Variants in ANKRD26 observed in about 807,000 individuals in gnomAD.
ANKRD26 encodes the protein ankyrin repeat domain-containing protein 26.
A neutral mutation model predicts 208.7 loss-of-function variants in ANKRD26; 141 were observed. The ratio of observed to expected loss-of-function variants is 0.68; its 90% confidence interval spans 0.59 to 0.78. The LOEUF is 0.78. ANKRD26 is among the 30% of genes least tolerant of loss of function. The pLI is 0.00. For missense variants in ANKRD26, 1,889 were observed against 1,938.7 expected, an observed-to-expected ratio of 0.97 and a Z score of 0.48; for synonymous variants, 636 against 660.4, an observed-to-expected ratio of 0.96 and a Z score of 0.57.
intron 3 of ANKRD26, among the ~76,000 whole-genome samples, chr10:26,984,381 G>T (rs2052353383): frequency 6.6e-6 from 1 of 152,216 alleles, no homozygotes; most frequent in South Asian, 2.1e-4. Context: ...TGGAATCACT[G>T]TTCACTCAGG....
chr10:27,078,524 C>A (rs984751590), intron 7 of ANKRD26, among the ~76,000 whole-genome samples: 6 of 152,084 alleles, frequency 3.9e-5, no homozygotes, highest in African/African-American at 1.4e-4. Context: ...TATACTAAGG[C>A]ACACTGAGAA....
exon 6 of ANKRD26, among the ~76,000 whole-genome samples, chr10:26,974,534 G>A (rs2052197124): frequency 6.6e-6 from 1 of 151,996 alleles, no homozygotes; most frequent in Non-Finnish European, 1.5e-5. Context: ...TAGAGATTGG[G>A]TTTCACCGTG....
chr10:26,985,726 GA>G (rs2052375600), intron 3 of ANKRD26, among the ~76,000 whole-genome samples: 2 of 152,158 alleles, frequency 1.3e-5, no homozygotes, highest in African/African-American at 4.8e-5. Flanking sequence ...GTCACCCCAA[GA>G]AGGTTAAATA....
At chr10:27,006,661 G>A (rs568576519) in intron 33 of ANKRD26, among the ~76,000 whole-genome samples, 304 of 150,032 alleles carry the variant, frequency 2.0e-3, no homozygotes, top group African/African-American at 5.8e-3. Context: ...GTGTAGAGCC[G>A]GAAAAAAAAG....
chr10:26,982,921 C>T (rs939754172), intron 3 of ANKRD26, among the ~76,000 whole-genome samples: 1 of 152,178 alleles, frequency 6.6e-6, no homozygotes, highest in African/African-American at 2.4e-5. Context: ...CTCAACTAGT[C>T]GATTCGTAAG....
chr10:27,029,678 T>G (rs3824689), intron 25 of ANKRD26, among the ~76,000 whole-genome samples: 17,063 of 152,272 alleles, frequency 0.11, 1,409 homozygotes, highest in East Asian at 0.44. Context: ...TGGTAAAATG[T>G]AGAAAGATAG....
At chr10:27,006,644 G>C (rs1313305112) in intron 33 of ANKRD26, among the ~76,000 whole-genome samples, 1 of 152,106 alleles carries the variant, frequency 6.6e-6, no homozygotes, top group Non-Finnish European at 1.5e-5. Flanking sequence ...TGGCAGAAGT[G>C]AAGAAAGTGT....
intron 33 of ANKRD26, among the ~76,000 whole-genome samples, chr10:27,006,691 G>GC (rs368542518): frequency 1.1e-4 from 16 of 152,150 alleles, no homozygotes; most frequent in Non-Finnish European, 2.2e-4. Context: ...GATTTCTTGA[G>GC]TTTTTTTAAA....
At chr10:26,966,630 A>G in the ANKRD26 span, among the ~76,000 whole-genome samples, 1 of 152,162 alleles carries the variant, frequency 6.6e-6, no homozygotes, top group African/African-American at 2.4e-5. Context: ...AAATTGTTCA[A>G]TTTTTTGGTA....
At chr10:27,015,481 A>G (rs2053259791) in intron 30 of ANKRD26, among the ~76,000 whole-genome samples, 1 of 152,222 alleles carries the variant, frequency 6.6e-6, no homozygotes, top group Admixed American at 6.5e-5. Context: ...GGGAAACTAC[A>G]CTGGCTTATC....
rs577986400 is a variant in ANKRD26 at position 27,029,307 on chromosome 10, T to G, written c.3857A>C (p.Lys1286Thr). 1 of 1,612,670 alleles carries G rather than the reference T, an allele frequency of 6.2e-7. No homozygotes were observed. Among genetic ancestry groups the G allele is most frequent in the South Asian group, 1.1e-5 (1 of 90,712 alleles). ...TTACTTTTGCTTGTGATCTTGCATC[T>G]TCTCAGCACATCTGACAGCTTCTGT... ...RHTEAVRCAE[K>T]MQDHKQKLEK... Residue 1286 changes from lysine (K) to threonine (T), a missense_variant, in exon 26 of 34, where the codon AAG (lysine) becomes ACG (threonine). This residue lies in a region of ANKRD26 where 613 missense variants were observed against 648.2 expected (regional missense o/e 0.95). Coordinates refer to ENST00000376087, the MANE Select transcript of ANKRD26 (RefSeq NM_014915.3).
At chr10:26,986,964 T>C (rs572462853), downstream of ANKRD26, among the ~76,000 whole-genome samples, 2 of 152,312 alleles carry the variant, frequency 1.3e-5, no homozygotes, top group East Asian at 1.9e-4. Context: ...CATGCTGCTA[T>C]AGAGACACAT....
chr10:26,972,034 G>C (rs886494275), downstream of ANKRD26, among the ~76,000 whole-genome samples: 1 of 152,086 alleles, frequency 6.6e-6, no homozygotes, highest in Non-Finnish European at 1.5e-5. Flanking sequence ...AGGAGATCGA[G>C]ACCATCCTGG....
At position 27,013,108 on chromosome 10, in the gene ANKRD26, G is replaced by C; in HGVS notation, c.4727C>G (p.Thr1576Ser). The change falls in exon 32 of 34, where the codon ACT (threonine) becomes AGT (serine). Residue 1576 changes from threonine (T) to serine (S), a missense_variant and splice_region_variant. Coordinates refer to ENST00000376087, the MANE Select transcript of ANKRD26 (RefSeq NM_014915.3). ...GTTGACCTCTGCTAGCCTCTCATTA[G>C]TTCTGTGAAGATTGCAGAAGACACA... is the stretch of plus-strand genomic sequence containing the variant. ...RKSLSSKLTK[T>S]NERLAEVNTK... is the part of the protein sequence containing the mutation. 6.2e-7 allele frequency: 1 copy of C among 1,613,040 alleles called. No homozygotes were observed. Among genetic ancestry groups the C allele is most frequent in the Non-Finnish European group, 8.5e-7 (1 of 1,179,198 alleles).
chr10:27,076,265 GT>G (rs199989309), intron 9 of ANKRD26, among the ~76,000 whole-genome samples: 2,867 of 141,066 alleles, frequency 0.02, 147 homozygotes, highest in East Asian at 0.16. Context: ...TGTTTGTTTG[GT>G]TTTTTTTTTT....
chr10:27,042,524 C>A (rs576022089), intron 20 of ANKRD26, among the ~76,000 whole-genome samples: 1 of 151,938 alleles, frequency 6.6e-6, no homozygotes, highest in Non-Finnish European at 1.5e-5. Flanking sequence ...GAGGCCAAGG[C>A]GGGTGGATCC....
intron 27 of ANKRD26, among the ~76,000 whole-genome samples, chr10:27,025,782 T>C (rs2053641240): frequency 6.6e-6 from 1 of 152,170 alleles, no homozygotes; most frequent in African/African-American, 2.4e-5. Context: ...CAAGGCTTCA[T>C]CCCAGATTCC....
intron 24 of ANKRD26, among the ~76,000 whole-genome samples, chr10:27,033,843 G>A (rs1167711018): frequency 6.6e-6 from 1 of 151,938 alleles, no homozygotes; most frequent in East Asian, 1.9e-4. Flanking sequence ...AATTCCAATG[G>A]CCTTAGAGGC....
At chr10:27,055,267 T>C (rs2054800440) in intron 15 of ANKRD26, among the ~76,000 whole-genome samples, 1 of 152,152 alleles carries the variant, frequency 6.6e-6, no homozygotes, top group Non-Finnish European at 1.5e-5. Context: ...TCTTCCTGTG[T>C]TAAGGGATTT....
Sources: gnomAD v4.1 joint callset for allele counts (sites outside exome capture counted in the v4.1 genomes callset) on GRCh38, gnomAD v4.1.1 for gene constraint, gnomAD v4.1.1 regional missense constraint, MANE v1.5 for transcripts, NCBI Gene and HGNC (gene_info 2026-07-23, HGNC 2026-07-21) for gene names.